Variants in COPS2 observed in about 807,000 individuals in gnomAD.
The protein encoded by COPS2 is COP9 signalosome subunit 2.
COPS2 carries 10 observed loss-of-function variants against 66.1 expected under a neutral mutation model. The observed-to-expected ratio is 0.15, with a 90% CI of 0.09 to 0.26. The LOEUF (loss-of-function observed/expected upper bound fraction) is 0.26, where lower values mean the gene tolerates loss of function less well. Ranked by LOEUF, COPS2 falls within the 10% of genes least tolerant of loss-of-function variation. The pLI, the probability that COPS2 is intolerant of heterozygous loss-of-function variation, is 1.00. For missense variants in COPS2, 215 were observed against 513.3 expected (o/e 0.42, Z 5.62); for synonymous variants, 179 against 171.3 (o/e 1.04, Z -0.35).
In COPS2 at chr15:49,127,833, T is replaced by C. The variant is rs16962079; in HGVS notation, c.*117A>G. ...GTTGATCAAAAAAGCACTTCTGCCA[T>C]AACTCCAATAATTTTCAGGACACAT... is the stretch of plus-strand genomic sequence containing the variant. On this transcript the variant is annotated 3_prime_UTR_variant, in exon 13 of 13. Transcript: ENST00000388901. 4,252 of 1,080,050 alleles carry C rather than the reference T, an allele frequency of 3.9e-3. 140 individuals carry two copies. The African/African-American group carries it at 0.061, about 16-fold the overall frequency. The allele number at this position is 1,080,050 out of a possible 1,614,324, so 66.9% of individuals were successfully genotyped here.
intron 11 of COPS2, among the ~76,000 whole-genome samples, chr15:49,129,048 A>G (rs1210054562): frequency 6.6e-6 from 1 of 152,206 alleles, no homozygotes; most frequent in African/African-American, 2.4e-5. Flanking sequence ...ATTTTCTCTG[A>G]GGGTGAAAGA....
rs1397051571 is a variant in COPS2 at position 49,126,537 on chromosome 15, A to G, written c.*1413T>C. The G allele has an allele frequency of 6.6e-6, 1 of 152,508 alleles. No homozygotes were observed. The highest frequency in any genetic ancestry group is 1.5e-5 in the Non-Finnish European group (1 of 67,944). 9.4% of individuals were successfully genotyped at this position (152,508 alleles called of 1,614,324 possible). A position where few individuals can be genotyped will look rare whatever the true frequency, so the allele number is the denominator to read the frequency against. ...TTACATAATAATAACAAGCAATAGA[A>G]AAACCAAAGAAATTATGTTAATCCT... On this transcript the variant is annotated 3_prime_UTR_variant, in exon 13 of 13. Coordinates refer to ENST00000388901, the MANE Select transcript of COPS2 (RefSeq NM_004236.4).
intron 4 of COPS2, chr15:49,139,262 G>C (rs886820922): frequency 3.1e-6 from 1 of 322,844 alleles, no homozygotes; most frequent in Non-Finnish European, 5.7e-6. Flanking sequence ...AACTGTATAG[G>C]AGTCTAACAT....
At position 49,124,879 on chromosome 15, in the gene COPS2, G is replaced by A. The variant is rs974268653; in HGVS notation, c.*3071C>T. ...TGAGCTTCTTAAAAAGAGGTAAAGG[G>A]AATCCACTAGGCAAATAATTTTTTG... On this transcript the variant is annotated 3_prime_UTR_variant, in exon 13 of 13. Transcript: ENST00000388901. The A allele has an allele frequency of 6.6e-6, 1 of 152,086 alleles. No individual in the cohort carries two copies. The highest frequency in any genetic ancestry group is 2.4e-5 in the African/African-American group (1 of 41,408). 9.4% of individuals were successfully genotyped at this position (152,086 alleles called of 1,614,324 possible). A position where few individuals can be genotyped will look rare whatever the true frequency, so the allele number is the denominator to read the frequency against.
intron 12 of COPS2, 83 bp from the exon 13 acceptor site, chr15:49,128,177 T>C (rs538214669): frequency 1.3e-5 from 17 of 1,359,544 alleles, no homozygotes; most frequent in African/African-American, 7.3e-5. Context: ...AAATACAGTA[T>C]CAACAAATGC....
intron 10 of COPS2, among the ~76,000 whole-genome samples, chr15:49,129,960 T>C (rs970881722): frequency 5.3e-5 from 8 of 152,168 alleles, no homozygotes; most frequent in African/African-American, 1.9e-4. Context: ...TCCTCCAGTT[T>C]TGTCTGTACA....
rs2084153141 is a variant in COPS2 at position 49,124,897 on chromosome 15, A to AT, written c.*3052dup. 6.6e-6 allele frequency: 1 copy of AT among 152,184 alleles called. No homozygotes were observed. Among genetic ancestry groups the AT allele is most frequent in the Non-Finnish European group, 1.5e-5 (1 of 68,016 alleles). The allele number at this position is 152,184 out of a possible 1,614,324, so 9.4% of individuals were successfully genotyped here. A position where few individuals can be genotyped will look rare whatever the true frequency, so the allele number is the denominator to read the frequency against. On this transcript the variant is annotated 3_prime_UTR_variant, in exon 13 of 13. Transcript: ENST00000388901. ...GTAAAGGGAATCCACTAGGCAAATA[A>AT]TTTTTTGTCTTATGGACTAACTGCT...
chr15:49,134,140 AT>A, intron 7 of COPS2, 32 bp from the exon 8 acceptor site: 2 of 1,571,172 alleles, frequency 1.3e-6, no homozygotes, highest in Non-Finnish European at 1.7e-6. Flanking sequence ...AAAATAGGAC[AT>A]TTTCAGTTCT....
intron 3 of COPS2, among the ~76,000 whole-genome samples, chr15:49,142,140 A>G (rs966193046): frequency 2.6e-5 from 4 of 152,228 alleles, no homozygotes; most frequent in Non-Finnish European, 5.9e-5. Flanking sequence ...GAAAGAAAGC[A>G]TGGGGCTCTG....
chr15:49,144,077 G>A, intron 3 of COPS2, 150 bp downstream of exon 3: 1 of 616,660 alleles, frequency 1.6e-6, no homozygotes, highest in South Asian at 1.9e-5. Context: ...TTTTTACTTA[G>A]TATTACTATA....
chr15:49,128,889 T>C, intron 11 of COPS2, 129 bp from the exon 12 acceptor site: 1 of 603,958 alleles, frequency 1.7e-6, no homozygotes, highest in East Asian at 3.0e-5. Flanking sequence ...TTTAAACATA[T>C]TTCATTATCA....
At chr15:49,151,033 G>C (rs996143331) in intron 1 of COPS2, among the ~76,000 whole-genome samples, 1 of 152,074 alleles carries the variant, frequency 6.6e-6, no homozygotes, top group African/African-American at 2.4e-5. Context: ...CTGGTCATAT[G>C]GTCATATATT....
intron 1 of COPS2, among the ~76,000 whole-genome samples, chr15:49,151,445 A>G (rs1254335127): frequency 5.9e-5 from 9 of 152,058 alleles, no homozygotes; most frequent in Admixed American, 6.6e-5. Context: ...TATCCTACAT[A>G]TAACAGGACT....
chr15:49,129,980 A>T (rs2084196709), intron 10 of COPS2, among the ~76,000 whole-genome samples: 1 of 152,166 alleles, frequency 6.6e-6, no homozygotes, highest in African/African-American at 2.4e-5. Context: ...AATAGTTCTT[A>T]AAATTTTTTA....
Position 49,125,889 on chromosome 15 carries a change from G to A in COPS2, c.*2061C>T, listed in dbSNP as rs1451393841. 1.3e-5 allele frequency: 2 copies of A among 152,074 alleles called. No homozygotes were observed. The highest frequency in any genetic ancestry group is 2.9e-5 in the Non-Finnish European group (2 of 67,940). The allele number at this position is 152,074 out of a possible 1,614,324, so 9.4% of individuals were successfully genotyped here. On this transcript the variant is annotated 3_prime_UTR_variant, in exon 13 of 13. Transcript: ENST00000388901. ...TGCACTATTGTACAAAGCAAAGATA[G>A]CACAGGAGAACTGGGCACTGTAAGA...
At chr15:49,128,409 T>C (rs539995999) in intron 12 of COPS2, among the ~76,000 whole-genome samples, 56 of 152,354 alleles carry the variant, frequency 3.7e-4, no homozygotes, top group East Asian at 3.3e-3. Flanking sequence ...AAAAATGTTA[T>C]GTACCACATA....
intron 9 of COPS2, among the ~76,000 whole-genome samples, chr15:49,131,211 C>G (rs2247003): frequency 6.6e-6 from 1 of 151,776 alleles, no homozygotes; most frequent in East Asian, 1.9e-4. Context: ...AGGAACCAGG[C>G]TTCATGTACA....
At chr15:49,150,417 T>C (rs1753591175) in intron 1 of COPS2, among the ~76,000 whole-genome samples, 1 of 152,160 alleles carries the variant, frequency 6.6e-6, no homozygotes, top group Admixed American at 6.5e-5. Context: ...GAATACATGT[T>C]CGCTATGTAC....
intron 6 of COPS2, among the ~76,000 whole-genome samples, chr15:49,136,403 TAAAG>T (rs1001962887): frequency 8.6e-5 from 13 of 152,040 alleles, no homozygotes; most frequent in African/African-American, 2.9e-4. Flanking sequence ...TTACAGAAAA[TAAAG>T]AACTCAGTAC....
Sources: allele counts gnomAD v4.1 joint callset (sites outside exome capture counted in the v4.1 genomes callset), GRCh38; gene constraint gnomAD v4.1.1; transcripts MANE v1.5; gene names NCBI Gene and HGNC (gene_info 2026-07-23, HGNC 2026-07-21).